The following OR10J1 variants were observed in gnomAD, a reference collection of about 807,000 sequenced individuals.
OR10J1 encodes the protein olfactory receptor family 10 subfamily J member 1.
For missense variants in OR10J1, 474 were observed against 376.6 expected (o/e 1.26, Z -2.14); for synonymous variants, 202 against 143.8 (o/e 1.40, Z -2.89).
At chr1:159,420,965 T>G in the OR10J1 span, among the ~76,000 whole-genome samples, 1 of 152,170 alleles carries the variant, frequency 6.6e-6, no homozygotes, top group Non-Finnish European at 1.5e-5. Context: ...GGGAAGTTTT[T>G]AATCTATTAT....
At chr1:159,420,498 G>A in the OR10J1 span, among the ~76,000 whole-genome samples, 2 of 151,990 alleles carry the variant, frequency 1.3e-5, no homozygotes, top group South Asian at 4.2e-4. Flanking sequence ...TAAATCAGTG[G>A]TTTTTACATT....
the OR10J1 span, among the ~76,000 whole-genome samples, chr1:159,422,082 A>T: frequency 1.3e-5 from 2 of 152,124 alleles, no homozygotes; most frequent in African/African-American, 2.4e-5. Context: ...TTGTAGCTGC[A>T]GGTTGAGTGG....
At chr1:159,425,311 C>G in the OR10J1 span, among the ~76,000 whole-genome samples, 24 of 152,018 alleles carry the variant, frequency 1.6e-4, no homozygotes, top group Non-Finnish European at 2.9e-4. Flanking sequence ...TGAGGAAAAG[C>G]TCCAGCACTA....
chr1:159,438,668 C>G (rs943400670), upstream of OR10J1, among the ~76,000 whole-genome samples: 4 of 152,208 alleles, frequency 2.6e-5, no homozygotes, highest in Non-Finnish European at 5.9e-5. Flanking sequence ...TTTTTATGAA[C>G]TTGAAGAAAG....
At position 159,440,461 on chromosome 1, in the gene OR10J1, A is replaced by G. The variant is rs961793298; in HGVS notation, c.670A>G (p.Ile224Val). 6.2e-7 allele frequency: 1 copy of G among 1,613,900 alleles called. No individual in the cohort carries two copies. Among genetic ancestry groups the G allele is most frequent in the Non-Finnish European group, 8.5e-7 (1 of 1,180,004 alleles). Residue 224 changes from isoleucine to valine, a missense_variant, in exon 1 of 1, where the codon ATC becomes GTC. Physicochemically the swap from Ile to Val is conservative, Grantham distance 29. Coordinates refer to ENST00000423932, the MANE Select transcript of OR10J1 (RefSeq NM_012351.3). ...FISYVLIIST[I>V]LKIASVEGRK... The stretch of plus-strand genomic sequence containing the variant: ...TTCTTATGTTCTCATTATCTCTACA[A>G]TCCTCAAGATTGCTTCAGTTGAGGG...
At chr1:159,428,195 A>G in the OR10J1 span, among the ~76,000 whole-genome samples, 2 of 152,214 alleles carry the variant, frequency 1.3e-5, no homozygotes, top group Non-Finnish European at 2.9e-5. Context: ...GTGAAGAGAA[A>G]TAAATGAGAG....
chr1:159,411,347 G>C, the OR10J1 span, among the ~76,000 whole-genome samples: 22 of 152,186 alleles, frequency 1.4e-4, no homozygotes, highest in African/African-American at 5.1e-4. Context: ...CTCTTTGTAG[G>C]TCTCCAAGGA....
chr1:159,431,144 T>C, the OR10J1 span, among the ~76,000 whole-genome samples: 2 of 152,156 alleles, frequency 1.3e-5, no homozygotes, highest in Admixed American at 6.5e-5. Flanking sequence ...TTTGGGGATA[T>C]TGGAAGAAAG....
chr1:159,440,739 T>A lies in OR10J1; in HGVS notation c.*18T>A, dbSNP rs1458840875. The A allele has an allele frequency of 6.3e-7, 1 of 1,596,802 alleles. No homozygotes were observed. On this transcript the variant is annotated 3_prime_UTR_variant, in exon 1 of 1. Transcript: ENST00000423932. ...TTTCCTGACCATGTAGGAAGAGTTC[T>A]CCTGAGGCTGTCAACATCCACACTA...
At chr1:159,425,581 A>G in the OR10J1 span, among the ~76,000 whole-genome samples, 1 of 144,950 alleles carries the variant, frequency 6.9e-6, no homozygotes, top group Non-Finnish European at 1.5e-5. Context: ...GTTCAATTAC[A>G]AAAAATTAGC....
At chr1:159,413,863 T>C in the OR10J1 span, among the ~76,000 whole-genome samples, 6 of 149,708 alleles carry the variant, frequency 4.0e-5, no homozygotes, top group African/African-American at 1.5e-4. Context: ...AATAAAAAAG[T>C]AAATAAATAA....
At chr1:159,433,191 A>G (rs1655633508), upstream of OR10J1, 1 of 398,052 alleles carries the variant, frequency 2.5e-6, no homozygotes. Flanking sequence ...GAGGTGTCAC[A>G]GTGAGAGGGA....
At chr1:159,429,224 C>G in the OR10J1 span, among the ~76,000 whole-genome samples, 132 of 152,344 alleles carry the variant, frequency 8.7e-4, 1 homozygote, top group South Asian at 1.9e-3. Context: ...CTGGCTTACA[C>G]TACAGGTGTA....
the OR10J1 span, among the ~76,000 whole-genome samples, chr1:159,421,612 T>C: frequency 2.0e-5 from 3 of 152,182 alleles, no homozygotes; most frequent in Non-Finnish European, 4.4e-5. Context: ...GCTTGGATCG[T>C]GGGTGCATAC....
upstream of OR10J1, among the ~76,000 whole-genome samples, chr1:159,435,273 A>G (rs1435832759): frequency 6.6e-6 from 1 of 152,068 alleles, no homozygotes; most frequent in African/African-American, 2.4e-5. Flanking sequence ...AATACATCTC[A>G]CAACATCATT....
chr1:159,416,467 G>C, the OR10J1 span, among the ~76,000 whole-genome samples: 6 of 148,436 alleles, frequency 4.0e-5, no homozygotes, highest in Non-Finnish European at 8.9e-5. Flanking sequence ...TTTTTGATGT[G>C]CTGTTGGTTT....
At chr1:159,428,117 C>T in the OR10J1 span, among the ~76,000 whole-genome samples, 9 of 150,994 alleles carry the variant, frequency 6.0e-5, no homozygotes, top group East Asian at 1.9e-4. Context: ...ATTTAAAGTC[C>T]GAAAAAAAGA....
At chr1:159,434,214 C>T (rs935127672), upstream of OR10J1, among the ~76,000 whole-genome samples, 2 of 152,092 alleles carry the variant, frequency 1.3e-5, no homozygotes, top group Non-Finnish European at 2.9e-5. Context: ...TGCAACCCAG[C>T]CCTGAAGTCT....
chr1:159,440,898 G>A lies in OR10J1; in HGVS notation c.*177G>A, dbSNP rs1007683091. On this transcript the variant is annotated 3_prime_UTR_variant, in exon 1 of 1. Coordinates refer to ENST00000423932, the MANE Select transcript of OR10J1 (RefSeq NM_012351.3). Reference sequence around the variant, plus strand: ...TTTAAATAAAGTTACTGGATGGAGTGTTATCCCTATTTTTGGGGATAAATA... The same window carrying A: ...TTTAAATAAAGTTACTGGATGGAGTATTATCCCTATTTTTGGGGATAAATA... 1.6e-6 allele frequency: 1 copy of A among 608,086 alleles called. No individual in the cohort carries two copies. 37.7% of individuals were successfully genotyped at this position (608,086 alleles called of 1,614,324 possible).
Sources: allele counts gnomAD v4.1 joint callset (sites outside exome capture counted in the v4.1 genomes callset), GRCh38; gene constraint gnomAD v4.1.1; transcripts MANE v1.5; gene names NCBI Gene and HGNC (gene_info 2026-07-23, HGNC 2026-07-21).